KIF3C: variants seen among roughly 807,000 people sequenced by gnomAD.
The protein encoded by KIF3C is kinesin family member 3C.
KIF3C carries 12 observed loss-of-function variants against 67.7 expected under a neutral mutation model. The observed-to-expected ratio is 0.18, with a 90% CI of 0.11 to 0.29. The LOEUF (loss-of-function observed/expected upper bound fraction) is 0.29. KIF3C is among the 10% of genes least tolerant of loss of function. The pLI, the probability that KIF3C is intolerant of heterozygous loss-of-function variation, is 1.00. For missense variants in KIF3C, 789 were observed against 1,059.6 expected (o/e 0.74, Z 3.55); for synonymous variants, 393 against 426.2 (o/e 0.92, Z 0.96).
rs1200860694 is a variant in KIF3C, at chr2:25,926,676, C to CCAG, written c.*2299_*2301dup. 1 of 152,152 alleles carries CCAG rather than the reference C, an allele frequency of 6.6e-6. No individual in the cohort carries two copies. Among genetic ancestry groups the CCAG allele is most frequent in the African/African-American group, 2.4e-5 (1 of 41,416 alleles). The allele number at this position is 152,152 out of a possible 1,614,324, so 9.4% of individuals were successfully genotyped here. On this transcript the variant is annotated 3_prime_UTR_variant, in exon 8 of 8. Coordinates refer to ENST00000264712, the MANE Select transcript of KIF3C (RefSeq NM_002254.8). ...GGGGCCTGCAAGCTGCTGGCAGCACCCAGCTGCAGGTGCATTTCAGCTCAA... is the reference window on the plus strand; with the variant it reads ...GGGGCCTGCAAGCTGCTGGCAGCACCCAGCAGCTGCAGGTGCATTTCAGCTCAA...
chr2:25,955,174 C>G lies in KIF3C; in HGVS notation c.1770+367G>C, dbSNP rs1663775076. ...CTCCCCACCTGAGCTTCCCGGGGTT[C>G]CAGTCTCCTCCTCAGCCTCTCTGTA... is the stretch of plus-strand genomic sequence containing the variant. On this transcript the variant is annotated intron_variant, in intron 3 of 7. Transcript: ENST00000264712. This position sits in a 1 kb window ranked among gnomAD's most constrained non-coding sequence, Gnocchi z 5.0. Among the ~76,000 whole-genome samples, 1 of 152,136 alleles carries G rather than the reference C, an allele frequency of 6.6e-6. No homozygotes were observed. The highest frequency in any genetic ancestry group is 1.5e-5 in the Non-Finnish European group (1 of 68,024).
Position 25,954,323 on chromosome 2 carries a change from G to A in KIF3C, c.1833C>T (p.Arg611=), listed in dbSNP as rs761421519. ...EIQDQHDEYI[R]VRQDLEEAQN... is the part of the protein sequence containing the mutation. The stretch of plus-strand genomic sequence containing the variant: ...GCGCCTCCTCCAGGTCCTGCCGCAC[G>A]CGGATATACTCATCATGCTGGTCCT... Residue 611 remains arginine, a synonymous_variant, in exon 4 of 8, where the codon CGC becomes CGT. Transcript: ENST00000264712. 4 of 1,614,134 alleles carry A rather than the reference G, an allele frequency of 2.5e-6. 1 individual carries two copies. The South Asian group carries it at 3.3e-5, about 13-fold the overall frequency.
intron 1 of KIF3C, among the ~76,000 whole-genome samples, chr2:25,964,720 C>G (rs1664098173): frequency 6.6e-6 from 1 of 152,206 alleles, no homozygotes; most frequent in Admixed American, 6.5e-5. Flanking sequence ...CCCCAGCTAT[C>G]CACACCTAGG....
chr2:25,947,425 C>CA (rs1457189165), intron 5 of KIF3C, among the ~76,000 whole-genome samples: 3 of 151,314 alleles, frequency 2.0e-5, no homozygotes, highest in Admixed American at 1.3e-4. Flanking sequence ...ACTAAAACTA[C>CA]AAAAAATTAG....
intron 5 of KIF3C, among the ~76,000 whole-genome samples, chr2:25,947,530 G>A (rs1663479016): frequency 6.6e-6 from 1 of 151,668 alleles, no homozygotes; most frequent in Non-Finnish European, 1.5e-5. Flanking sequence ...GCAGTGAGCT[G>A]AGATAGCGCC....
chr2:25,944,322 G>C (rs936013270), intron 5 of KIF3C, among the ~76,000 whole-genome samples: 6 of 150,348 alleles, frequency 4.0e-5, no homozygotes, highest in African/African-American at 7.3e-5. Flanking sequence ...AAGTGTAGTA[G>C]AGAACATTGG....
intron 5 of KIF3C, among the ~76,000 whole-genome samples, chr2:25,940,745 G>A (rs534709815): frequency 6.4e-4 from 84 of 130,624 alleles, no homozygotes; most frequent in African/African-American, 2.1e-3. Flanking sequence ...CCGCCTCCCA[G>A]GTTCAAGCGA....
chr2:25,970,131 TG>T (rs1664240713), intron 1 of KIF3C, among the ~76,000 whole-genome samples: 1 of 152,152 alleles, frequency 6.6e-6, no homozygotes, highest in South Asian at 2.1e-4. Context: ...GAGTTCCCAC[TG>T]GGGCTTATTA....
intron 1 of KIF3C, among the ~76,000 whole-genome samples, chr2:25,970,263 T>A (rs1664244381): frequency 1.3e-5 from 2 of 152,206 alleles, no homozygotes; most frequent in Admixed American, 1.3e-4. Context: ...ACTTTCTAGG[T>A]GTGCGAACTT....
chr2:25,982,437 C>A lies in KIF3C; in HGVS notation c.-520G>T, dbSNP rs919947037. The A allele has an allele frequency of 2.8e-5, 11 of 398,728 alleles. No homozygotes were observed. The highest frequency in any genetic ancestry group is 4.9e-5 in the Non-Finnish European group (11 of 226,176). The allele number at this position is 398,728 out of a possible 1,614,324, so 24.7% of individuals were successfully genotyped here. A position where few individuals can be genotyped will look rare whatever the true frequency, so the allele number is the denominator to read the frequency against. ...GGATCATTCATTGCAGCCAGCGCGG[C>A]TGCTGCTGCCTCTGCCTCCGCCTTC... is the stretch of plus-strand genomic sequence containing the variant. On this transcript the variant is annotated 5_prime_UTR_variant, in exon 1 of 8. Coordinates refer to ENST00000264712, the MANE Select transcript of KIF3C (RefSeq NM_002254.8).
chr2:25,963,178 A>G (rs569890228), intron 1 of KIF3C, among the ~76,000 whole-genome samples: 1,018 of 40,498 alleles, frequency 0.025, 23 homozygotes, highest in African/African-American at 0.062. Context: ...GTGTGTGTAT[A>G]TATATATATA....
At chr2:25,952,347 G>A (rs1663639299) in intron 4 of KIF3C, among the ~76,000 whole-genome samples, 1 of 151,914 alleles carries the variant, frequency 6.6e-6, no homozygotes, top group Non-Finnish European at 1.5e-5. Context: ...AAAAAAAGAG[G>A]CAGAGGCAAT....
intron 1 of KIF3C, among the ~76,000 whole-genome samples, chr2:25,957,890 CA>C (rs151004548): frequency 0.072 from 11,023 of 152,264 alleles, 502 homozygotes; most frequent in African/African-American, 0.12. Context: ...TCCATGCTGC[CA>C]CACTGCAGCC....
Position 25,980,271 on chromosome 2 carries a change from A to G in KIF3C, c.1545+102T>C. 1.1e-6 allele frequency: 1 copy of G among 940,442 alleles called. No individual in the cohort carries two copies. Among genetic ancestry groups the G allele is most frequent in the Non-Finnish European group, 1.6e-6 (1 of 633,018 alleles). 58.3% of individuals were successfully genotyped at this position (940,442 alleles called of 1,614,324 possible). ...AGGGCAGTGTGCGGTGCTGAGGGAG[A>G]ACCTCCACTTCAGGCCAGGTCACAG... is the stretch of plus-strand genomic sequence containing the variant. On this transcript the variant is annotated intron_variant, in intron 1 of 7. Transcript: ENST00000264712. This position sits in a 1 kb window ranked among gnomAD's most constrained non-coding sequence, Gnocchi z 7.6.
intron 1 of KIF3C, among the ~76,000 whole-genome samples, chr2:25,974,358 G>A (rs1340335326): frequency 2.0e-5 from 3 of 152,018 alleles, no homozygotes; most frequent in Admixed American, 1.3e-4. Flanking sequence ...ATGAGCCACC[G>A]CGCCCGGCCT....
At chr2:25,950,239 C>T (rs1373928221) in intron 5 of KIF3C, among the ~76,000 whole-genome samples, 9 of 144,962 alleles carry the variant, frequency 6.2e-5, no homozygotes, top group African/African-American at 1.3e-4. Context: ...TTTTTTGAGA[C>T]GGAGTCTTGC....
In KIF3C at chr2:25,953,657, G is replaced by A. The variant is rs571790107; in HGVS notation, c.1889+610C>T. 2.5e-4 allele frequency among the ~76,000 whole-genome samples: 36 copies of A among 142,330 alleles called. No homozygotes were observed. In the South Asian group the frequency reaches 8.0e-3, roughly 32 times the overall value. 93.4% of individuals were successfully genotyped at this position (142,330 alleles called of 152,430 possible). On this transcript the variant is annotated intron_variant, in intron 4 of 7. Coordinates refer to ENST00000264712, the MANE Select transcript of KIF3C (RefSeq NM_002254.8). ...TTACAGGCATGAGCCACTGCGCCCGGCCTTTTTTGTTTTTGTTTTTTTTTT... is the reference window on the plus strand; with the variant it reads ...TTACAGGCATGAGCCACTGCGCCCGACCTTTTTTGTTTTTGTTTTTTTTTT...
intron 1 of KIF3C, among the ~76,000 whole-genome samples, chr2:25,967,672 C>A (rs531785843): frequency 2.6e-5 from 4 of 152,046 alleles, no homozygotes; most frequent in African/African-American, 4.8e-5. Context: ...ATTAGCCAGG[C>A]GTAGTATTGT....
intron 1 of KIF3C, among the ~76,000 whole-genome samples, chr2:25,977,335 C>G (rs544474292): frequency 7.9e-5 from 12 of 152,138 alleles, no homozygotes; most frequent in African/African-American, 9.7e-5. Flanking sequence ...TCAACTACCA[C>G]TTAGCTGCCC....
Sources: gnomAD v4.1 joint callset for allele counts (sites outside exome capture counted in the v4.1 genomes callset) on GRCh38, gnomAD v4.1.1 for gene constraint, Gnocchi (gnomAD v3.1) non-coding constraint, MANE v1.5 for transcripts, NCBI Gene and HGNC (gene_info 2026-07-23, HGNC 2026-07-21) for gene names.